GRM7: variants seen among roughly 807,000 people sequenced by gnomAD.
GRM7 encodes the protein glutamate metabotropic receptor 7.
A neutral mutation model predicts 84.5 loss-of-function variants in GRM7; 35 were observed. The ratio of observed to expected loss-of-function variants is 0.41; its 90% CI spans 0.32 to 0.55. GRM7 has a LOEUF of 0.55. GRM7 is among the 20% of genes least tolerant of loss of function. The pLI is 0.19. For synonymous variants in GRM7, 487 were observed against 455.1 expected (o/e 1.07, Z -0.89); for missense variants, 1,003 against 1,194.6 (o/e 0.84, Z 2.36).
At chr3:7,412,481 A>G (rs2125176411) in intron 4 of GRM7, among the ~76,000 whole-genome samples, 1 of 152,286 alleles carries the variant, frequency 6.6e-6, no homozygotes, top group Admixed American at 6.5e-5. Flanking sequence ...GTCACTTCCC[A>G]AATGAGACGC....
rs140312171 is a variant in GRM7, at chr3:6,956,130, A to G, written c.519+94223A>G. 2.0e-5 allele frequency among the ~76,000 whole-genome samples: 3 copies of G among 152,368 alleles called. No individual in the cohort carries two copies. The East Asian group carries it at 5.8e-4, about 29-fold the overall frequency. ...GCAAAGTATACCCATAAATTCAGCA[A>G]CACATACAACTAGCTTATTGCAATT... On this transcript the variant is annotated intron_variant, in intron 1 of 9. Transcript: ENST00000357716.
chr3:7,130,104 A>T (rs1693541014), intron 1 of GRM7, among the ~76,000 whole-genome samples: 1 of 152,106 alleles, frequency 6.6e-6, no homozygotes, highest in Admixed American at 6.6e-5. Flanking sequence ...TAGAGATCTG[A>T]CTCGGTTAGC....
At chr3:7,392,517 G>A (rs1212882662) in intron 4 of GRM7, among the ~76,000 whole-genome samples, 1 of 152,206 alleles carries the variant, frequency 6.6e-6, no homozygotes, top group Non-Finnish European at 1.5e-5. Flanking sequence ...AATGGTGCCA[G>A]CTGTGGGCTT....
chr3:7,563,932 A>G (rs1027412873), intron 7 of GRM7, among the ~76,000 whole-genome samples: 1 of 152,170 alleles, frequency 6.6e-6, no homozygotes, highest in African/African-American at 2.4e-5. Flanking sequence ...CTGGGCTTAC[A>G]TTCAGGTGGA....
rs188420492 is a variant in GRM7, at chr3:7,587,908, T to C, written c.2451+8551T>C. Among the ~76,000 whole-genome samples, 256 of 152,220 alleles carry C rather than the reference T, an allele frequency of 1.7e-3. 1 individual carries two copies. The highest frequency in any genetic ancestry group is 5.5e-3 in the African/African-American group (230 of 41,554). The stretch of plus-strand genomic sequence containing the variant: ...ACTTCCCCCTTCAGAAAGAGGCCAG[T>C]GAACCCCTTATACCAAAGAACGTTA... On this transcript the variant is annotated intron_variant, in intron 8 of 9. Coordinates refer to ENST00000357716, the MANE Select transcript of GRM7 (RefSeq NM_000844.4).
chr3:6,949,039 C>G (rs973416034), intron 1 of GRM7, among the ~76,000 whole-genome samples: 3 of 148,610 alleles, frequency 2.0e-5, no homozygotes, highest in African/African-American at 4.9e-5. Context: ...TTAATTGGAG[C>G]ATTTAGCCCA....
At chr3:7,661,134 T>C (rs1430249780) in intron 8 of GRM7, among the ~76,000 whole-genome samples, 1 of 152,198 alleles carries the variant, frequency 6.6e-6, no homozygotes, top group East Asian at 1.9e-4. Flanking sequence ...AACTTCTGTT[T>C]TTCAAAAGAT....
rs1694498227 is a variant in GRM7, at chr3:6,988,175, T to G, written c.519+126268T>G. ...TCACGCCTGGCTAATTTTTTTTTTT[T>G]TTTTTTTTTTTTTTTAGTAGAGATG... On this transcript the variant is annotated intron_variant, in intron 1 of 9. Coordinates refer to ENST00000357716, the MANE Select transcript of GRM7 (RefSeq NM_000844.4). 2.1e-5 allele frequency among the ~76,000 whole-genome samples: 3 copies of G among 144,280 alleles called. No homozygotes were observed. In the South Asian group the frequency reaches 6.8e-4, roughly 33 times the overall value. 94.7% of individuals were successfully genotyped at this position (144,280 alleles called of 152,430 possible). A position where few individuals can be genotyped will look rare whatever the true frequency, so the allele number is the denominator to read the frequency against.
chr3:7,168,296 T>C (rs1694872213), intron 2 of GRM7, among the ~76,000 whole-genome samples: 2 of 152,212 alleles, frequency 1.3e-5, no homozygotes, highest in African/African-American at 4.8e-5. Context: ...TCATGCCTTC[T>C]ATGGACTGAA....
intron 8 of GRM7, among the ~76,000 whole-genome samples, chr3:7,611,604 C>T (rs1696849040): frequency 6.6e-6 from 1 of 152,088 alleles, no homozygotes; most frequent in Non-Finnish European, 1.5e-5. Context: ...TCAAGCTTCC[C>T]AAGAACTGGA....
intron 2 of GRM7, among the ~76,000 whole-genome samples, chr3:7,215,853 C>A (rs555969675): frequency 6.6e-6 from 1 of 152,078 alleles, no homozygotes; most frequent in Non-Finnish European, 1.5e-5. Context: ...TTCAACACAA[C>A]GTCTTAGAAA....
intron 1 of GRM7, among the ~76,000 whole-genome samples, chr3:6,869,571 C>G (rs1559295759): frequency 7.2e-6 from 1 of 138,514 alleles, no homozygotes; most frequent in Non-Finnish European, 1.6e-5. Flanking sequence ...TAATTTACAT[C>G]TATCTATCTG....
At chr3:7,161,720 T>G (rs1353282847) in intron 2 of GRM7, among the ~76,000 whole-genome samples, 1 of 152,220 alleles carries the variant, frequency 6.6e-6, no homozygotes, top group African/African-American at 2.4e-5. Context: ...TCAACAAATA[T>G]CTGTTCAGTG....
At chr3:6,936,300 C>A (rs1425941012) in intron 1 of GRM7, among the ~76,000 whole-genome samples, 2 of 152,178 alleles carry the variant, frequency 1.3e-5, no homozygotes, top group Non-Finnish European at 2.9e-5. Context: ...TGGTAAGACA[C>A]CTCCCCATAA....
intron 1 of GRM7, among the ~76,000 whole-genome samples, chr3:7,109,387 G>A (rs761020998): frequency 1.3e-5 from 2 of 152,108 alleles, no homozygotes; most frequent in Admixed American, 1.3e-4. Flanking sequence ...ACCAAACTCT[G>A]CGTCAACTCT....
chr3:6,904,034 A>T (rs903391824), intron 1 of GRM7, among the ~76,000 whole-genome samples: 1 of 152,042 alleles, frequency 6.6e-6, no homozygotes, highest in Non-Finnish European at 1.5e-5. Context: ...TGATTTTTTA[A>T]TGTTGTATAT....
At chr3:7,012,545 C>T (rs545732279) in intron 1 of GRM7, among the ~76,000 whole-genome samples, 1 of 152,022 alleles carries the variant, frequency 6.6e-6, no homozygotes, top group Non-Finnish European at 1.5e-5. Context: ...CCTTTCTGAC[C>T]TTCCCCCATC....
chr3:7,412,997 C>G (rs562351916), intron 4 of GRM7, among the ~76,000 whole-genome samples: 1 of 152,212 alleles, frequency 6.6e-6, no homozygotes, highest in East Asian at 1.9e-4. Context: ...CACACACACA[C>G]ACACACACAC....
At chr3:6,995,428 G>C (rs545327822) in intron 1 of GRM7, among the ~76,000 whole-genome samples, 53 of 152,294 alleles carry the variant, frequency 3.5e-4, no homozygotes, top group Admixed American at 2.1e-3. Context: ...ATAATGTACT[G>C]ACACCTGTTT....
Sources: allele counts gnomAD v4.1 joint callset (sites outside exome capture counted in the v4.1 genomes callset), GRCh38; gene constraint gnomAD v4.1.1; transcripts MANE v1.5; gene names NCBI Gene and HGNC (gene_info 2026-07-23, HGNC 2026-07-21).